The following SHLD1 variants were observed in gnomAD, a reference collection of about 807,000 sequenced individuals.
SHLD1 encodes shieldin complex subunit 1, also known as RINN1-REV7-interacting novel NHEJ regulator 3.
SHLD1 carries 3 observed loss-of-function variants against 5.5 expected under a neutral mutation model. The ratio of observed to expected loss-of-function variants is 0.54; its 90% CI spans 0.25 to 1.40. The LOEUF is 1.40. Among genes scored for constraint, SHLD1 ranks in the 40% most tolerant of loss-of-function variants. The pLI is 0.15. For synonymous variants in SHLD1, 92 were observed against 94.3 expected (o/e 0.98, Z 0.14); for missense variants, 210 against 244.4 (o/e 0.86, Z 0.94).
intron 2 of SHLD1, among the ~76,000 whole-genome samples, chr20:5,778,121 T>C (rs969578936): frequency 2.1e-5 from 3 of 143,688 alleles, no homozygotes; most frequent in Admixed American, 1.4e-4. Flanking sequence ...TTTCTTTTTT[T>C]TTTTTTTTTT....
At chr20:5,803,416 G>A (rs532422921) in intron 2 of SHLD1, among the ~76,000 whole-genome samples, 3 of 152,058 alleles carry the variant, frequency 2.0e-5, no homozygotes, top group South Asian at 2.1e-4. Context: ...TGATCCTTCC[G>A]TCTCAGCCTC....
At chr20:5,790,669 G>T (rs974252070) in intron 2 of SHLD1, among the ~76,000 whole-genome samples, 14 of 152,004 alleles carry the variant, frequency 9.2e-5, no homozygotes, top group African/African-American at 3.1e-4. Context: ...GGCCAGGCTG[G>T]TCTTGAACTC....
chr20:5,781,206 T>A (rs548748050), intron 2 of SHLD1, among the ~76,000 whole-genome samples: 1 of 152,106 alleles, frequency 6.6e-6, no homozygotes, highest in Non-Finnish European at 1.5e-5. Flanking sequence ...CCCTTCCTAG[T>A]GAGATATGGC....
At chr20:5,791,540 G>A (rs2087139582) in intron 2 of SHLD1, among the ~76,000 whole-genome samples, 1 of 126,836 alleles carries the variant, frequency 7.9e-6, no homozygotes, top group Non-Finnish European at 1.6e-5. Context: ...CTCCAGCGTG[G>A]ACCACAAAGC....
chr20:5,813,230 G>C (rs972339679), intron 2 of SHLD1, among the ~76,000 whole-genome samples: 2 of 151,860 alleles, frequency 1.3e-5, no homozygotes, highest in African/African-American at 4.8e-5. Context: ...GCTCACGTCT[G>C]TAATCCCAGC....
Position 5,830,282 on chromosome 20 carries a change from T to C in SHLD1, c.179-32742T>C, listed in dbSNP as rs143631229. The stretch of plus-strand genomic sequence containing the variant: ...TCACATCACGGAATACTATTCATCA[T>C]TGAAAATGAACAAACTGCCACTGTA... On this transcript the variant is annotated intron_variant, in intron 2 of 2. Coordinates refer to ENST00000303142, the MANE Select transcript of SHLD1 (RefSeq NM_152504.4). Among the ~76,000 whole-genome samples, 1,059 of 152,220 alleles carry C rather than the reference T, an allele frequency of 7.0e-3. 12 individuals carry two copies. Among genetic ancestry groups the C allele is most frequent in the Non-Finnish European group, 0.011 (724 of 68,026 alleles).
intron 2 of SHLD1, among the ~76,000 whole-genome samples, chr20:5,776,398 A>C (rs1444472724): frequency 6.6e-6 from 1 of 152,114 alleles, no homozygotes; most frequent in Non-Finnish European, 1.5e-5. Flanking sequence ...CATATGGCCT[A>C]GAGAGAGAGC....
intron 1 of SHLD1, among the ~76,000 whole-genome samples, chr20:5,768,777 A>G (rs1984985046): frequency 6.6e-6 from 1 of 152,136 alleles, no homozygotes; most frequent in South Asian, 2.1e-4. Flanking sequence ...ACCTTTTTAC[A>G]TTGAATATAT....
chr20:5,789,716 A>T (rs2087111781), intron 2 of SHLD1, among the ~76,000 whole-genome samples: 1 of 152,152 alleles, frequency 6.6e-6, no homozygotes, highest in Admixed American at 6.6e-5. Flanking sequence ...GCAAGAGGCA[A>T]CCAAAGGAGA....
At chr20:5,798,427 T>C (rs894122643) in intron 2 of SHLD1, among the ~76,000 whole-genome samples, 13 of 144,484 alleles carry the variant, frequency 9.0e-5, no homozygotes, top group Non-Finnish European at 2.0e-4. Context: ...CTCAGCCTCC[T>C]GAGTAGATGG....
intron 2 of SHLD1, among the ~76,000 whole-genome samples, chr20:5,779,833 C>CA (rs780581986): frequency 1.3e-5 from 2 of 152,088 alleles, no homozygotes; most frequent in Non-Finnish European, 2.9e-5. Context: ...CAAGAACTGG[C>CA]AGAGTATGGC....
At chr20:5,833,431 GA>G (rs2087753125) in intron 2 of SHLD1, among the ~76,000 whole-genome samples, 1 of 152,186 alleles carries the variant, frequency 6.6e-6, no homozygotes, top group Non-Finnish European at 1.5e-5. Flanking sequence ...AACCCTGACA[GA>G]CTGTTTCTCC....
intron 2 of SHLD1, among the ~76,000 whole-genome samples, chr20:5,849,815 C>T (rs373649423): frequency 6.5e-4 from 98 of 150,470 alleles, no homozygotes; most frequent in African/African-American, 1.9e-3. Flanking sequence ...AAAAATTAGC[C>T]GGGCGCGGTG....
intron 2 of SHLD1, among the ~76,000 whole-genome samples, chr20:5,781,480 A>G (rs1052102439): frequency 5.3e-5 from 8 of 152,216 alleles, no homozygotes; most frequent in African/African-American, 1.7e-4. Context: ...ATGTCATATT[A>G]CACTACTTTT....
chr20:5,858,098 C>CAAA (rs11300827), intron 2 of SHLD1, among the ~76,000 whole-genome samples: 12 of 111,482 alleles, frequency 1.1e-4, no homozygotes, highest in Non-Finnish European at 1.7e-4. Context: ...GACTCCATCT[C>CAAA]AAAAAAAAAA....
intron 2 of SHLD1, among the ~76,000 whole-genome samples, chr20:5,786,660 G>T (rs2087064302): frequency 6.6e-6 from 1 of 152,140 alleles, no homozygotes; most frequent in Non-Finnish European, 1.5e-5. Flanking sequence ...TTCAGAGAAG[G>T]TCCTGTCCCA....
intron 1 of SHLD1, among the ~76,000 whole-genome samples, chr20:5,763,547 A>T (rs1054301306): frequency 3.3e-5 from 5 of 152,104 alleles, no homozygotes; most frequent in South Asian, 2.1e-4. Flanking sequence ...CATGAGACCA[A>T]TGTGTAATTG....
chr20:5,799,356 A>C (rs2087258412), intron 2 of SHLD1, among the ~76,000 whole-genome samples: 1 of 150,542 alleles, frequency 6.6e-6, no homozygotes, highest in South Asian at 2.1e-4. Context: ...GCTGTAGTGC[A>C]TTGGCACCAT....
chr20:5,841,158 C>A (rs999172584), intron 2 of SHLD1, among the ~76,000 whole-genome samples: 1 of 144,132 alleles, frequency 6.9e-6, no homozygotes, highest in Non-Finnish European at 1.5e-5. Flanking sequence ...CCATAACTTA[C>A]TGAAAATAGC....
Sources: gnomAD v4.1 joint callset for allele counts (sites outside exome capture counted in the v4.1 genomes callset) on GRCh38, gnomAD v4.1.1 for gene constraint, MANE v1.5 for transcripts, NCBI Gene and HGNC (gene_info 2026-07-23, HGNC 2026-07-21) for gene names.